Variants in DTNB observed in about 807,000 individuals in gnomAD.
DTNB encodes the protein DTN-B.
A neutral mutation model predicts 90.7 loss-of-function variants in DTNB; 63 were observed. The ratio of observed to expected loss-of-function variants is 0.69; its 90% CI spans 0.57 to 0.86. The LOEUF (loss-of-function observed/expected upper bound fraction) is 0.86. Ranked by LOEUF, DTNB falls within the 40% of genes least tolerant of loss-of-function variation. DTNB has a pLI of 0.00. For missense variants in DTNB, 744 were observed against 807.1 expected (o/e 0.92, Z 0.95); for synonymous variants, 277 against 286.7 (o/e 0.97, Z 0.34).
At chr2:25,633,158 G>GCTCTCCCTCTCC (rs201883625) in intron 3 of DTNB, among the ~76,000 whole-genome samples, 2 of 151,906 alleles carry the variant, frequency 1.3e-5, no homozygotes, top group Non-Finnish European at 2.9e-5. Flanking sequence ...TTTTAAAATA[G>GCTCTCCCTCTCC]CTCTCCCTCT....
At chr2:25,497,932 A>G (rs1481422111) in intron 9 of DTNB, among the ~76,000 whole-genome samples, 1 of 152,156 alleles carries the variant, frequency 6.6e-6, no homozygotes, top group Non-Finnish European at 1.5e-5. Flanking sequence ...GATTTCTCAC[A>G]GCTAAAATCA....
chr2:25,435,996 G>A (rs945049414), intron 12 of DTNB, among the ~76,000 whole-genome samples: 1 of 152,190 alleles, frequency 6.6e-6, no homozygotes. Context: ...TTATGTGATT[G>A]TGATTTGCAT....
chr2:25,540,477 T>TTAG (rs1364834643), intron 8 of DTNB, among the ~76,000 whole-genome samples: 1 of 151,982 alleles, frequency 6.6e-6, no homozygotes, highest in Non-Finnish European at 1.5e-5. Context: ...AATCATTTTA[T>TTAG]TATTATTATT....
chr2:25,411,920 C>T (rs1413061277), intron 16 of DTNB, among the ~76,000 whole-genome samples: 1 of 152,126 alleles, frequency 6.6e-6, no homozygotes, highest in Non-Finnish European at 1.5e-5. Flanking sequence ...TTAAGAGCCA[C>T]GGAGCCCAGA....
intron 4 of DTNB, among the ~76,000 whole-genome samples, chr2:25,621,022 G>C (rs1015472108): frequency 1.2e-4 from 18 of 151,958 alleles, no homozygotes; most frequent in Non-Finnish European, 1.8e-4. Context: ...GCAAGACCTT[G>C]TCTCTTAAAA....
intron 18 of DTNB, among the ~76,000 whole-genome samples, chr2:25,386,378 T>G (rs2039474047): frequency 6.6e-6 from 1 of 152,200 alleles, no homozygotes; most frequent in African/African-American, 2.4e-5. Flanking sequence ...GAAAAACTGC[T>G]TTATCTTTTT....
At chr2:25,608,659 G>T (rs1215572472) in intron 4 of DTNB, among the ~76,000 whole-genome samples, 1 of 152,180 alleles carries the variant, frequency 6.6e-6, no homozygotes, top group African/African-American at 2.4e-5. Context: ...TTCTAAGACT[G>T]ATACAGAGCT....
At chr2:25,616,630 T>A (rs868595593) in intron 4 of DTNB, among the ~76,000 whole-genome samples, 28 of 117,668 alleles carry the variant, frequency 2.4e-4, no homozygotes, top group Non-Finnish European at 3.0e-4. Context: ...CTATTTATAG[T>A]AAAAAAAAAA....
intron 4 of DTNB, among the ~76,000 whole-genome samples, chr2:25,613,226 G>A (rs926545038): frequency 2.0e-5 from 3 of 152,098 alleles, no homozygotes; most frequent in Non-Finnish European, 4.4e-5. Context: ...TTGGATTACA[G>A]GCATGAGCCA....
At chr2:25,607,517 A>G (rs1012433147) in intron 4 of DTNB, among the ~76,000 whole-genome samples, 196 bp from the exon 5 acceptor site, 1 of 152,074 alleles carries the variant, frequency 6.6e-6, no homozygotes, top group Admixed American at 6.5e-5. Context: ...GAAGAATGCT[A>G]AAGCTAGCCT....
intron 12 of DTNB, among the ~76,000 whole-genome samples, chr2:25,438,450 C>T (rs766617722): frequency 6.6e-6 from 1 of 152,154 alleles, no homozygotes; most frequent in East Asian, 1.9e-4. Flanking sequence ...CCATACAGGG[C>T]CTCTGAGCCA....
intron 15 of DTNB, among the ~76,000 whole-genome samples, chr2:25,422,663 G>A (rs770525102): frequency 1.3e-4 from 20 of 152,052 alleles, no homozygotes; most frequent in Non-Finnish European, 2.5e-4. Context: ...CTCCCAAAGT[G>A]TTGGGATTAT....
chr2:25,387,085 A>AT lies in DTNB; in HGVS notation c.1825+203dup, dbSNP rs2039677938. ...AGATGCACTCCTGAGATAGGCCTGA[A>AT]TGTGAAACCGCCCCTACGCGATCCT... On this transcript the variant is annotated intron_variant, in intron 18 of 20. Transcript: ENST00000406818. This position sits in a 1 kb window ranked among gnomAD's most constrained non-coding sequence, Gnocchi z 4.5. 24 of 548,610 alleles carry AT rather than the reference A, an allele frequency of 4.4e-5. No individual in the cohort carries two copies. The South Asian group carries it at 5.7e-4, about 13-fold the overall frequency. The allele number at this position is 548,610 out of a possible 1,614,324, so 34.0% of individuals were successfully genotyped here.
In DTNB at chr2:25,668,493, T is replaced by C. The variant is rs545967229; in HGVS notation, c.-2+4893A>G. 2.0e-5 allele frequency among the ~76,000 whole-genome samples: 3 copies of C among 152,334 alleles called. No homozygotes were observed. The South Asian group carries it at 6.2e-4, about 32-fold the overall frequency. On this transcript the variant is annotated intron_variant, in intron 1 of 20. Coordinates refer to ENST00000406818, the MANE Select transcript of DTNB (RefSeq NM_021907.5). ...GTAGCATGCAGTCATGCCATGTAAA[T>C]GATACATGACATTACGCACTTGTCA... is the stretch of plus-strand genomic sequence containing the variant.
At chr2:25,607,204 T>C (rs1340983458) in intron 5 of DTNB, 32 bp downstream of exon 5, 2 of 1,550,072 alleles carry the variant, frequency 1.3e-6, no homozygotes, top group African/African-American at 2.7e-5. Flanking sequence ...AATTTGAAAA[T>C]GGCATTTTTC....
chr2:25,592,021 A>G (rs1054184477), intron 6 of DTNB, among the ~76,000 whole-genome samples: 7 of 149,278 alleles, frequency 4.7e-5, no homozygotes, highest in Admixed American at 3.3e-4. Context: ...AGATTGCACC[A>G]ATGTACTCCA....
intron 10 of DTNB, among the ~76,000 whole-genome samples, chr2:25,462,119 G>A (rs536011436): frequency 6.6e-6 from 1 of 152,246 alleles, no homozygotes; most frequent in African/African-American, 2.4e-5. Flanking sequence ...TCAATCAATC[G>A]GGGAACGCAG....
chr2:25,419,358 C>G, intron 16 of DTNB, 157 bp downstream of exon 16: 2 of 1,161,606 alleles, frequency 1.7e-6, no homozygotes, highest in Non-Finnish European at 2.5e-6. Flanking sequence ...AACTTTTAGG[C>G]CATTTTACAA....
chr2:25,529,025 G>A (rs2077653864), intron 9 of DTNB, among the ~76,000 whole-genome samples: 1 of 152,122 alleles, frequency 6.6e-6, no homozygotes, highest in African/African-American at 2.4e-5. Flanking sequence ...ATGTTATGAG[G>A]AACTCAATAA....
Sources: allele counts gnomAD v4.1 joint callset (sites outside exome capture counted in the v4.1 genomes callset), GRCh38; gene constraint gnomAD v4.1.1; non-coding constraint Gnocchi (gnomAD v3.1); transcripts MANE v1.5; gene names NCBI Gene and HGNC (gene_info 2026-07-23, HGNC 2026-07-21).